SFMBT2: variants seen among roughly 807,000 people sequenced by gnomAD.
SFMBT2 encodes Scm like with four mbt domains 2, also known as scm-like with four MBT domains protein 2.
In SFMBT2, 38 loss-of-function variants were observed where a neutral mutation model predicts 110.1. The observed-to-expected ratio is 0.35, with a 90% CI of 0.27 to 0.45. SFMBT2 has a LOEUF of 0.45. Among genes scored for constraint, SFMBT2 ranks in the 20% least tolerant of loss-of-function variants. SFMBT2 has a pLI of 1.00. For synonymous variants in SFMBT2, 425 were observed against 425.4 expected (o/e 1.00, Z 0.01); for missense variants, 1,011 against 1,094.9 (o/e 0.92, Z 1.08).
At chr10:7,329,415 G>C (rs944008323) in intron 4 of SFMBT2, 1 of 983,616 alleles carries the variant, frequency 1.0e-6, no homozygotes, top group African/African-American at 1.7e-5. Flanking sequence ...CACAGCACGG[G>C]TGCTAAAGAC....
At chr10:7,376,748 A>C (rs1356349563) in intron 2 of SFMBT2, among the ~76,000 whole-genome samples, 2 of 45,388 alleles carry the variant, frequency 4.4e-5, no homozygotes, top group Non-Finnish European at 9.2e-5. Flanking sequence ...AAAAAAAAAA[A>C]AAAAAAAAAA....
At chr10:7,217,721 C>A (rs59068284) in intron 11 of SFMBT2, among the ~76,000 whole-genome samples, 1 of 152,084 alleles carries the variant, frequency 6.6e-6, no homozygotes, top group African/African-American at 2.4e-5. Flanking sequence ...CCAGTGTGTG[C>A]GGCCATAATG....
rs1359653817 is a variant in SFMBT2, at chr10:7,349,547, TC to T, written c.436+18101del. On this transcript the variant is annotated intron_variant, in intron 4 of 20. Transcript: ENST00000397167. ...ATCTCAGTTCACTGCAACCTCCACC[TC>T]CCAGGTTCATGCAATTCTCCTGCCT... is the stretch of plus-strand genomic sequence containing the variant. Among the ~76,000 whole-genome samples, 17 of 129,260 alleles carry T rather than the reference TC, an allele frequency of 1.3e-4. No homozygotes were observed. In the Admixed American group the frequency reaches 1.6e-3, roughly 12 times the overall value. The allele number at this position is 129,260 out of a possible 152,430, so 84.8% of individuals were successfully genotyped here.
At chr10:7,276,747 C>T (rs190939875) in intron 7 of SFMBT2, 145 bp downstream of exon 7, 2 of 606,890 alleles carry the variant, frequency 3.3e-6, no homozygotes, top group East Asian at 2.9e-5. Context: ...AGGATGGTCT[C>T]GATCTCCTGA....
chr10:7,361,234 A>C (rs1844707875), intron 4 of SFMBT2, among the ~76,000 whole-genome samples: 1 of 152,254 alleles, frequency 6.6e-6, no homozygotes, highest in African/African-American at 2.4e-5. Context: ...TCAGATAACC[A>C]AAGAAAATAA....
intron 6 of SFMBT2, among the ~76,000 whole-genome samples, chr10:7,278,462 C>T (rs769764418): frequency 5.3e-5 from 8 of 152,086 alleles, no homozygotes; most frequent in East Asian, 1.9e-4. Context: ...CAGGGGACCC[C>T]GGGGAGCAAA....
chr10:7,179,410 A>C (rs918491257), intron 16 of SFMBT2, among the ~76,000 whole-genome samples: 9 of 151,150 alleles, frequency 6.0e-5, no homozygotes, highest in Admixed American at 1.3e-4. Context: ...AAAAAAAAAA[A>C]AAAAAACAAA....
chr10:7,176,107 C>A lies in SFMBT2; in HGVS notation c.1867G>T (p.Ala623Ser), dbSNP rs745336635. The change falls in exon 17 of 21, where the codon GCA becomes TCA. Residue 623 changes from alanine to serine, a missense_variant. By Grantham distance (99) the Ala-to-Ser change is moderately conservative. This residue lies in a region of SFMBT2 where 979 missense variants were observed against 1,016.1 expected (regional missense o/e 0.96). Transcript: ENST00000397167. The part of the protein sequence containing the change: ...VKIVRTSDQV[A>S]NFCRRVCAKL... ...GCACAGACTCGGCGGCAGAAATTTG[C>A]GACTTGGTCAGATGTCCGTACGATT... 3.1e-6 allele frequency: 5 copies of A among 1,614,140 alleles called. No individual in the cohort carries two copies. The highest frequency in any genetic ancestry group is 2.5e-6 in the Non-Finnish European group (3 of 1,180,030).
chr10:7,340,587 A>G (rs189406758), intron 4 of SFMBT2, among the ~76,000 whole-genome samples: 2 of 146,166 alleles, frequency 1.4e-5, no homozygotes, highest in East Asian at 4.4e-4. Flanking sequence ...CAGGAAGTGG[A>G]GGCTGCAGTG....
At position 7,405,955 on chromosome 10, in the gene SFMBT2, T is replaced by A. The variant is rs950969865; in HGVS notation, c.-52+4906A>T. ...GACGCATAATTTCCCAACTTTTTTT[T>A]TTTTTTAATTTGTATGATGGGGGCA... On this transcript the variant is annotated intron_variant, in intron 1 of 20. Coordinates refer to ENST00000397167, the MANE Select transcript of SFMBT2 (RefSeq NM_001387889.1). Among the ~76,000 whole-genome samples the A allele has an allele frequency of 3.9e-3, 592 of 152,038 alleles. 2 individuals are homozygous for A. Among genetic ancestry groups the A allele is most frequent in the Non-Finnish European group, 7.0e-3 (474 of 67,998 alleles).
intron 4 of SFMBT2, among the ~76,000 whole-genome samples, chr10:7,357,885 C>A (rs1395987458): frequency 6.6e-6 from 1 of 152,264 alleles, no homozygotes; most frequent in East Asian, 1.9e-4. Context: ...GTTGGTATGG[C>A]TCTGGAATGT....
chr10:7,178,151 C>A (rs370565040), intron 16 of SFMBT2, among the ~76,000 whole-genome samples: 2 of 152,134 alleles, frequency 1.3e-5, no homozygotes, highest in African/African-American at 4.8e-5. Flanking sequence ...AGAATGGGGA[C>A]CCCCGGACTG....
intron 11 of SFMBT2, chr10:7,207,533 G>T: frequency 3.8e-6 from 1 of 264,028 alleles, no homozygotes; most frequent in Non-Finnish European, 4.9e-6. Flanking sequence ...AGGGAGGGAG[G>T]AAGGAAGGAA....
At position 7,348,470 on chromosome 10, in the gene SFMBT2, C is replaced by T. The variant is rs544782694; in HGVS notation, c.436+19179G>A. 78 of 613,278 alleles carry T rather than the reference C, an allele frequency of 1.3e-4. No homozygotes were observed. In the South Asian group the frequency reaches 3.8e-3, roughly 30 times the overall value. 38.0% of individuals were successfully genotyped at this position (613,278 alleles called of 1,614,324 possible). A position where few individuals can be genotyped will look rare whatever the true frequency, so the allele number is the denominator to read the frequency against. On this transcript the variant is annotated intron_variant, in intron 4 of 20. Coordinates refer to ENST00000397167, the MANE Select transcript of SFMBT2 (RefSeq NM_001387889.1). ...TTTCAAAAAATTGACATTGTTTAAT[C>T]AACTCTACTTAACAGCTCTGTTAGT...
intron 2 of SFMBT2, among the ~76,000 whole-genome samples, chr10:7,375,649 G>A (rs2132067293): frequency 6.6e-6 from 1 of 152,026 alleles, no homozygotes; most frequent in African/African-American, 2.4e-5. Context: ...GCTCACAACT[G>A]CAGAGCCACC....
At chr10:7,253,391 G>C (rs560275544) in intron 7 of SFMBT2, among the ~76,000 whole-genome samples, 4 of 152,264 alleles carry the variant, frequency 2.6e-5, no homozygotes, top group African/African-American at 9.6e-5. Flanking sequence ...TCACTTGTGG[G>C]GTCTGCACTG....
Position 7,170,734 on chromosome 10 carries a change from A to G in SFMBT2, c.2544+194T>C, listed in dbSNP as rs948786402. On this transcript the variant is annotated intron_variant, in intron 20 of 20. Coordinates refer to ENST00000397167, the MANE Select transcript of SFMBT2 (RefSeq NM_001387889.1). This position sits in a 1 kb window ranked among gnomAD's most constrained non-coding sequence, Gnocchi z 4.6. ...CTGGTGGGGCCTGAGAGGAGCAGGAATGAGGCTCTGTCTCTCGTCCCTGCC... is the reference window on the plus strand; with the variant it reads ...CTGGTGGGGCCTGAGAGGAGCAGGAGTGAGGCTCTGTCTCTCGTCCCTGCC... 1.3e-5 allele frequency among the ~76,000 whole-genome samples: 2 copies of G among 152,068 alleles called. No homozygotes were observed. The highest frequency in any genetic ancestry group is 2.9e-5 in the Non-Finnish European group (2 of 67,984).
chr10:7,226,695 T>C (rs1839906366), intron 10 of SFMBT2, among the ~76,000 whole-genome samples: 2 of 152,204 alleles, frequency 1.3e-5, no homozygotes, highest in South Asian at 4.1e-4. Context: ...GTTCCTAGGA[T>C]TGAAGAATTA....
intron 4 of SFMBT2, among the ~76,000 whole-genome samples, chr10:7,297,169 G>A (rs527883318): frequency 6.6e-6 from 1 of 152,360 alleles, no homozygotes; most frequent in Non-Finnish European, 1.5e-5. Flanking sequence ...AGGGAAAACA[G>A]CAATGAATCA....
Sources: allele counts gnomAD v4.1 joint callset (sites outside exome capture counted in the v4.1 genomes callset), GRCh38; gene constraint gnomAD v4.1.1; regional missense constraint gnomAD v4.1.1; non-coding constraint Gnocchi (gnomAD v3.1); transcripts MANE v1.5; gene names NCBI Gene and HGNC (gene_info 2026-07-23, HGNC 2026-07-21).